CACNA2D4: variants seen among roughly 807,000 people sequenced by gnomAD.
CACNA2D4 encodes the protein calcium voltage-gated channel auxiliary subunit alpha2delta 4.
A neutral mutation model predicts 163.8 loss-of-function variants in CACNA2D4; 157 were observed. That is an observed-to-expected ratio of 0.96 (90% confidence interval 0.84 to 1.09). The LOEUF (loss-of-function observed/expected upper bound fraction) is 1.09. Ranked by LOEUF, CACNA2D4 falls within the 50% of genes least tolerant of loss-of-function variation. The probability of loss-of-function intolerance (pLI) is 0.00; values close to 1 mark genes in which losing one functional copy is unlikely to be tolerated. For synonymous variants in CACNA2D4, 598 were observed against 586.9 expected (o/e 1.02, Z -0.27); for missense variants, 1,410 against 1,479.9 (o/e 0.95, Z 0.78).
At chr12:1,817,829 C>A (rs566610523) in intron 26 of CACNA2D4, among the ~76,000 whole-genome samples, 1 of 151,682 alleles carries the variant, frequency 6.6e-6, no homozygotes, top group Non-Finnish European at 1.5e-5. Context: ...GATCTCGGCT[C>A]GCTACAACCT....
intron 26 of CACNA2D4, among the ~76,000 whole-genome samples, chr12:1,811,982 A>G (rs71454842): frequency 0.011 from 1,656 of 152,292 alleles, 10 homozygotes; most frequent in Middle Eastern, 0.031. Flanking sequence ...TGAGGCTCCC[A>G]TTCCAGAAAA....
At chr12:1,904,950 A>T (rs1176986995) in intron 6 of CACNA2D4, among the ~76,000 whole-genome samples, 1 of 152,064 alleles carries the variant, frequency 6.6e-6, no homozygotes, top group Non-Finnish European at 1.5e-5. Flanking sequence ...AAACACAGAG[A>T]TTGGCAGCAT....
intron 24 of CACNA2D4, among the ~76,000 whole-genome samples, chr12:1,845,043 T>C (rs778273431): frequency 1.4e-5 from 2 of 144,354 alleles, no homozygotes; most frequent in Non-Finnish European, 3.0e-5. Context: ...CAGAAGGGAG[T>C]GTTCGGCCAG....
intron 1 of CACNA2D4, 56 bp from the exon 2 acceptor site, chr12:1,914,991 A>G: frequency 7.8e-7 from 1 of 1,279,814 alleles, no homozygotes; most frequent in Non-Finnish European, 1.1e-6. Flanking sequence ...CAAATACAGA[A>G]ACACACGCGT....
intron 6 of CACNA2D4, among the ~76,000 whole-genome samples, chr12:1,901,525 C>T (rs1343040484): frequency 6.6e-6 from 1 of 151,912 alleles, no homozygotes; most frequent in East Asian, 1.9e-4. Flanking sequence ...ACTGACACCA[C>T]AGAAATTCAA....
At chr12:1,838,850 G>A (rs1312711710) in intron 26 of CACNA2D4, among the ~76,000 whole-genome samples, 2 of 152,326 alleles carry the variant, frequency 1.3e-5, no homozygotes, top group Middle Eastern at 3.4e-3. Flanking sequence ...AGTCTGTAGG[G>A]AGACGATTTC....
Position 1,918,543 on chromosome 12 carries a change from T to A in CACNA2D4, c.-70A>T. Reference sequence around the variant, plus strand: ...TTTGTCTTCCGTGCCTTGGCGAGCCTGGGGTCTCCAGCCTCTCAGTCCTGG... The same window carrying A: ...TTTGTCTTCCGTGCCTTGGCGAGCCAGGGGTCTCCAGCCTCTCAGTCCTGG... On this transcript the variant is annotated 5_prime_UTR_variant, in exon 1 of 38. Coordinates refer to ENST00000382722, the MANE Select transcript of CACNA2D4 (RefSeq NM_172364.5). The A allele has an allele frequency of 2.4e-6, 3 of 1,242,346 alleles. No individual in the cohort carries two copies. The highest frequency in any genetic ancestry group is 2.3e-6 in the Non-Finnish European group (2 of 883,712). The allele number at this position is 1,242,346 out of a possible 1,614,324, so 77.0% of individuals were successfully genotyped here. A position where few individuals can be genotyped will look rare whatever the true frequency, so the allele number is the denominator to read the frequency against.
intron 3 of CACNA2D4, among the ~76,000 whole-genome samples, chr12:1,912,779 C>T (rs535161945): frequency 2.6e-5 from 4 of 152,336 alleles, no homozygotes; most frequent in South Asian, 4.1e-4. Context: ...TGGGCATGGC[C>T]GCCTCGGGGC....
intron 26 of CACNA2D4, among the ~76,000 whole-genome samples, chr12:1,822,323 G>C (rs1308966297): frequency 1.3e-5 from 2 of 152,138 alleles, no homozygotes; most frequent in Non-Finnish European, 2.9e-5. Flanking sequence ...GCATGTATGT[G>C]ATGGTTGGGG....
At chr12:1,840,276 A>C (rs1166490550) in intron 26 of CACNA2D4, among the ~76,000 whole-genome samples, 1 of 152,064 alleles carries the variant, frequency 6.6e-6, no homozygotes, top group African/African-American at 2.4e-5. Flanking sequence ...CTAGAATAAA[A>C]GAGCTCTGCC....
intron 1 of CACNA2D4, among the ~76,000 whole-genome samples, chr12:1,915,549 C>G (rs1483382023): frequency 6.6e-6 from 1 of 152,250 alleles, no homozygotes; most frequent in South Asian, 2.1e-4. Context: ...GGCTGCCGAA[C>G]CCTCTGTTGA....
At chr12:1,818,137 C>G (rs1302873535) in intron 26 of CACNA2D4, among the ~76,000 whole-genome samples, 1 of 147,362 alleles carries the variant, frequency 6.8e-6, no homozygotes, top group Non-Finnish European at 1.5e-5. Flanking sequence ...CCGGCCGCGA[C>G]CCCGTCTGGG....
Position 1,912,967 on chromosome 12 carries a change from C to A in CACNA2D4, c.426+56G>T. 4.4e-6 allele frequency: 5 copies of A among 1,125,912 alleles called. No individual in the cohort carries two copies. The South Asian group carries it at 6.4e-5, about 15-fold the overall frequency. 69.7% of individuals were successfully genotyped at this position (1,125,912 alleles called of 1,614,324 possible). On this transcript the variant is annotated intron_variant, in intron 3 of 37. Transcript: ENST00000382722. Reference sequence around the variant, plus strand: ...CCATGACATCGGGAGGGTCACTCTGCCACCTGCGTCATGGGGCTGGGGAGA... The same window carrying A: ...CCATGACATCGGGAGGGTCACTCTGACACCTGCGTCATGGGGCTGGGGAGA...
chr12:1,868,577 T>A (rs546432278), intron 18 of CACNA2D4, among the ~76,000 whole-genome samples: 1 of 151,888 alleles, frequency 6.6e-6, no homozygotes, highest in South Asian at 2.1e-4. Context: ...CATTGTATTG[T>A]ATTGTATTGT....
Position 1,813,973 on chromosome 12 carries a change from AC to A in CACNA2D4, c.2552-2251del, listed in dbSNP as rs548504619. Reference sequence around the variant, plus strand: ...TCTCCTTCTTTTCCCTTATAAGACCACCCTAGACATTCATTTTAGACAGATT... The same window carrying A: ...TCTCCTTCTTTTCCCTTATAAGACCACCTAGACATTCATTTTAGACAGATT... On this transcript the variant is annotated intron_variant, in intron 26 of 37. Coordinates refer to ENST00000382722, the MANE Select transcript of CACNA2D4 (RefSeq NM_172364.5). Among the ~76,000 whole-genome samples the A allele has an allele frequency of 2.0e-4, 30 of 152,198 alleles. No homozygotes were observed. In the South Asian group the frequency reaches 6.0e-3, roughly 30 times the overall value.
intron 29 of CACNA2D4, among the ~76,000 whole-genome samples, chr12:1,803,418 T>C (rs1863405052): frequency 6.6e-6 from 1 of 152,166 alleles, no homozygotes; most frequent in South Asian, 2.1e-4. Flanking sequence ...GGGCCACAGG[T>C]CCCCAGATGC....
At chr12:1,821,462 G>A (rs1403038699) in intron 26 of CACNA2D4, among the ~76,000 whole-genome samples, 1 of 152,208 alleles carries the variant, frequency 6.6e-6, no homozygotes, top group African/African-American at 2.4e-5. Flanking sequence ...GGAGTGGGCA[G>A]GAGAGAGAAG....
chr12:1,884,126 G>C (rs1238377202), intron 12 of CACNA2D4, 117 bp downstream of exon 12: 3 of 795,224 alleles, frequency 3.8e-6, no homozygotes, highest in Non-Finnish European at 6.3e-6. Flanking sequence ...TCTTGACATA[G>C]CACTGCTCCT....
intron 4 of CACNA2D4, among the ~76,000 whole-genome samples, chr12:1,909,473 C>T (rs1469079733): frequency 6.6e-6 from 1 of 152,256 alleles, no homozygotes. Context: ...GGATTACAGG[C>T]GTGAGCCACC....
Sources: allele counts gnomAD v4.1 joint callset (sites outside exome capture counted in the v4.1 genomes callset), GRCh38; gene constraint gnomAD v4.1.1; transcripts MANE v1.5; gene names NCBI Gene and HGNC (gene_info 2026-07-23, HGNC 2026-07-21).